The following KDM4A variants were observed in gnomAD, a reference collection of about 807,000 sequenced individuals.
KDM4A encodes the protein lysine demethylase 4A, also known as lysine-specific demethylase 4A.
A neutral mutation model predicts 127.1 loss-of-function variants in KDM4A; 23 were observed. The observed-to-expected ratio is 0.18, with a 90% CI of 0.13 to 0.26. KDM4A has a LOEUF of 0.26. KDM4A is among the 10% of genes least tolerant of loss of function. KDM4A has a pLI of 1.00. For missense variants in KDM4A, 890 were observed against 1,329.1 expected (o/e 0.67, Z 5.14); for synonymous variants, 443 against 466.5 (o/e 0.95, Z 0.65).
chr1:43,656,391 GC>G (rs1371069585), intron 3 of KDM4A, among the ~76,000 whole-genome samples: 1 of 127,834 alleles, frequency 7.8e-6, no homozygotes, highest in African/African-American at 3.0e-5. Context: ...AGGCTGGAGT[GC>G]AGTGGAGTGA....
In KDM4A at chr1:43,688,294, C is replaced by A. The variant is rs1193575287; in HGVS notation, c.1856-620C>A. On this transcript the variant is annotated intron_variant, in intron 12 of 21. Transcript: ENST00000372396. The surrounding 1 kb of genome is among the most constrained non-coding windows in gnomAD (Gnocchi z 4.4). Reference sequence around the variant, plus strand: ...CAGGATATTGTTTGCCAGCGTCAGGCATCACATCTTGTGGCTGGGAAGAGG... The same window carrying A: ...CAGGATATTGTTTGCCAGCGTCAGGAATCACATCTTGTGGCTGGGAAGAGG... Among the ~76,000 whole-genome samples the A allele has an allele frequency of 6.6e-6, 1 of 152,188 alleles. No homozygotes were observed. Among genetic ancestry groups the A allele is most frequent in the Non-Finnish European group, 1.5e-5 (1 of 68,042 alleles).
chr1:43,673,913 A>G (rs755212231), intron 11 of KDM4A, among the ~76,000 whole-genome samples: 1 of 152,228 alleles, frequency 6.6e-6, no homozygotes, highest in Non-Finnish European at 1.5e-5. Context: ...AGCAGCTAAG[A>G]AGTAGCAAGA....
chr1:43,684,584 G>T (rs1175506658), intron 12 of KDM4A, among the ~76,000 whole-genome samples: 1 of 152,172 alleles, frequency 6.6e-6, no homozygotes, highest in African/African-American at 2.4e-5. Context: ...GTAGTCAGAG[G>T]AACTACAGTC....
intron 10 of KDM4A, 38 bp from the exon 11 acceptor site, chr1:43,671,467 A>T (rs777948343): frequency 1.7e-5 from 25 of 1,499,236 alleles, no homozygotes; most frequent in Non-Finnish European, 2.2e-5. Context: ...CATGTGCAGG[A>T]GGAACTTGGC....
intron 9 of KDM4A, among the ~76,000 whole-genome samples, chr1:43,668,606 G>A (rs1355185930): frequency 3.9e-5 from 6 of 152,132 alleles, no homozygotes; most frequent in South Asian, 2.1e-4. Flanking sequence ...TGCGAAGGTC[G>A]GGCTCCCTCT....
intron 3 of KDM4A, among the ~76,000 whole-genome samples, chr1:43,658,544 C>T (rs1255555791): frequency 8.1e-5 from 11 of 135,494 alleles, no homozygotes; most frequent in African/African-American, 1.4e-4. Flanking sequence ...TACTCTGTGG[C>T]GCGGGCTAGA....
At chr1:43,671,094 G>A (rs1340909313) in intron 10 of KDM4A, among the ~76,000 whole-genome samples, 1 of 152,226 alleles carries the variant, frequency 6.6e-6, no homozygotes, top group Non-Finnish European at 1.5e-5. Context: ...TTTTTGCAGT[G>A]AGAACATTTA....
rs367596027 is a variant in KDM4A, at chr1:43,664,168, GAGA to G, written c.623+1084_623+1086del. ...AGGTGACAAGTGAGACCTAAAACAT[GAGA>G]AGGACATAACCGGGTGGAGTGGTGG... On this transcript the variant is annotated intron_variant, in intron 5 of 21. Coordinates refer to ENST00000372396, the MANE Select transcript of KDM4A (RefSeq NM_014663.3). 3.1e-3 allele frequency among the ~76,000 whole-genome samples: 470 copies of G among 152,318 alleles called. 2 individuals are homozygous for G. The highest frequency in any genetic ancestry group is 0.011 in the African/African-American group (450 of 41,566).
intron 5 of KDM4A, among the ~76,000 whole-genome samples, chr1:43,665,194 G>A (rs947258901): frequency 2.0e-5 from 3 of 152,130 alleles, no homozygotes; most frequent in Non-Finnish European, 2.9e-5. Context: ...TAGCTGTTGG[G>A]GAGATAAAGG....
intron 2 of KDM4A, among the ~76,000 whole-genome samples, chr1:43,655,111 A>G (rs573050837): frequency 6.6e-6 from 1 of 152,154 alleles, no homozygotes; most frequent in African/African-American, 2.4e-5. Context: ...CGGCCTCCCA[A>G]AGTGCTGGGA....
rs966523624 is a variant in KDM4A at position 43,663,185 on chromosome 1, G to C, written c.623+98G>C. The stretch of plus-strand genomic sequence containing the variant: ...CACCTCAGGATTGTGTTAAAGGGCA[G>C]ACCCTGGTTCAGGCTTGGGGTGACA... On this transcript the variant is annotated intron_variant, in intron 5 of 21. Transcript: ENST00000372396. 2.8e-6 allele frequency: 3 copies of C among 1,064,200 alleles called. No individual in the cohort carries two copies. The Admixed American group carries it at 7.0e-5, about 25-fold the overall frequency. The allele number at this position is 1,064,200 out of a possible 1,614,324, so 65.9% of individuals were successfully genotyped here.
chr1:43,666,012 A>G (rs536403360), intron 6 of KDM4A, among the ~76,000 whole-genome samples: 61 of 152,288 alleles, frequency 4.0e-4, no homozygotes, highest in Non-Finnish European at 5.9e-5. Context: ...TGGTGTTTCC[A>G]CTAAAGACCC....
rs150161736 is a variant in KDM4A, at chr1:43,690,871, C to A, written c.2064C>A (p.Asn688Lys). ...HQVEFGGFNQ[N>K]CGNASDLAPQ... ...TTGAATTTGGAGGCTTTAATCAGAA[C>A]TGTGGAAATGCTTCAGATTTAGCCC... Residue 688 changes from asparagine to lysine, a missense_variant, in exon 14 of 22, where the codon AAC (asparagine) becomes AAA (lysine). Coordinates refer to ENST00000372396, the MANE Select transcript of KDM4A (RefSeq NM_014663.3). 1 of 1,614,214 alleles carries A rather than the reference C, an allele frequency of 6.2e-7. No individual in the cohort carries two copies. The highest frequency in any genetic ancestry group is 8.5e-7 in the Non-Finnish European group (1 of 1,180,042).
intron 19 of KDM4A, among the ~76,000 whole-genome samples, chr1:43,698,845 G>C (rs974517011): frequency 6.6e-6 from 1 of 152,192 alleles, no homozygotes. Flanking sequence ...CTGGAGTGCA[G>C]TGGCACAATC....
Position 43,667,003 on chromosome 1 carries a change from A to G in KDM4A, c.827A>G (p.His276Arg). 1 of 1,614,136 alleles carries G rather than the reference A, an allele frequency of 6.2e-7. No homozygotes were observed. The highest frequency in any genetic ancestry group is 1.7e-5 in the Admixed American group (1 of 60,020). Residue 276 changes from histidine to arginine, a missense_variant, in exon 8 of 22, where the codon CAT becomes CGT. Physicochemically the swap from His to Arg is conservative, Grantham distance 29. This residue lies in a region of KDM4A where 141 missense variants were observed against 273.5 expected (regional missense o/e 0.52). Transcript: ENST00000372396. ...ATGATCACTTTCCCTTATGGTTACC[A>G]TGCCGGCTTTAACCATGGTTTTAAC... ...EFMITFPYGY[H>R]AGFNHGFNCA...
chr1:43,668,984 G>T, intron 9 of KDM4A, 116 bp from the exon 10 acceptor site: 1 of 1,032,848 alleles, frequency 9.7e-7, no homozygotes, highest in Non-Finnish European at 1.5e-6. Flanking sequence ...TGAGTTTTGA[G>T]CCAGGCCTGA....
At position 43,705,295 on chromosome 1, in the gene KDM4A, T is replaced by G. The variant is rs1164544436; in HGVS notation, c.*925T>G. The G allele has an allele frequency of 3.5e-4, 24 of 69,354 alleles. No homozygotes were observed. Among genetic ancestry groups the G allele is most frequent in the South Asian group, 6.2e-4 (1 of 1,604 alleles). 4.3% of individuals were successfully genotyped at this position (69,354 alleles called of 1,614,324 possible). A position where few individuals can be genotyped will look rare whatever the true frequency, so the allele number is the denominator to read the frequency against. ...AGGGAGCTGATTTTGGGGTGGGGGG[T>G]GGGACTAGAGGGCAATACTGAAGGG... On this transcript the variant is annotated 3_prime_UTR_variant, in exon 22 of 22. Transcript: ENST00000372396.
intron 12 of KDM4A, among the ~76,000 whole-genome samples, chr1:43,684,247 G>A (rs1237391015): frequency 2.0e-5 from 3 of 152,190 alleles, no homozygotes; most frequent in African/African-American, 7.2e-5. Context: ...GCTCATGCCT[G>A]TAATCCCAGC....
Position 43,694,141 on chromosome 1 carries a change from A to G in KDM4A, c.2484+39A>G, listed in dbSNP as rs1267268394. 2 of 1,532,996 alleles carry G rather than the reference A, an allele frequency of 1.3e-6. No individual in the cohort carries two copies. Among genetic ancestry groups the G allele is most frequent in the Non-Finnish European group, 1.8e-6 (2 of 1,111,146 alleles). 95.0% of individuals were successfully genotyped at this position (1,532,996 alleles called of 1,614,324 possible). A position where few individuals can be genotyped will look rare whatever the true frequency, so the allele number is the denominator to read the frequency against. On this transcript the variant is annotated intron_variant, in intron 17 of 21. Coordinates refer to ENST00000372396, the MANE Select transcript of KDM4A (RefSeq NM_014663.3). The surrounding 1 kb of genome is among the most constrained non-coding windows in gnomAD (Gnocchi z 5.2). ...GACTCTACATAATTTCCCGACTTACAAGTTTCTGGGTAGAAGAGAACAGGG... is the reference window on the plus strand; with the variant it reads ...GACTCTACATAATTTCCCGACTTACGAGTTTCTGGGTAGAAGAGAACAGGG...
Sources: gnomAD v4.1 joint callset for allele counts (sites outside exome capture counted in the v4.1 genomes callset) on GRCh38, gnomAD v4.1.1 for gene constraint, gnomAD v4.1.1 regional missense constraint, Gnocchi (gnomAD v3.1) non-coding constraint, MANE v1.5 for transcripts, NCBI Gene and HGNC (gene_info 2026-07-23, HGNC 2026-07-21) for gene names.